Variants in PTPRN2 observed in about 807,000 individuals in gnomAD.
PTPRN2 encodes the protein receptor-type tyrosine-protein phosphatase N2.
A neutral mutation model predicts 118.8 loss-of-function variants in PTPRN2; 74 were observed. The ratio of observed to expected loss-of-function variants is 0.62; its 90% CI spans 0.52 to 0.76. The LOEUF (loss-of-function observed/expected upper bound fraction) is 0.76, where lower values mean the gene tolerates loss of function less well. PTPRN2 is among the 30% of genes least tolerant of loss of function. The probability of loss-of-function intolerance (pLI) is 0.00; values close to 1 mark genes in which losing one functional copy is unlikely to be tolerated. For missense variants in PTPRN2, 1,481 were observed against 1,394.4 expected (o/e 1.06, Z -0.99); for synonymous variants, 641 against 608.0 (o/e 1.05, Z -0.80).
chr7:158,148,696 C>T (rs13309737), intron 6 of PTPRN2, among the ~76,000 whole-genome samples: 8 of 50,774 alleles, frequency 1.6e-4, no homozygotes, highest in Non-Finnish European at 2.3e-4. Context: ...ATGCCTTTCC[C>T]CCTCAATGAC....
chr7:158,150,006 A>G (rs1465895458), intron 6 of PTPRN2, among the ~76,000 whole-genome samples: 1 of 152,258 alleles, frequency 6.6e-6, no homozygotes, highest in Non-Finnish European at 1.5e-5. Flanking sequence ...CTCATTACAG[A>G]CACATCAGAT....
intron 5 of PTPRN2, among the ~76,000 whole-genome samples, chr7:158,190,051 G>A (rs578128608): frequency 6.6e-6 from 1 of 152,336 alleles, no homozygotes; most frequent in Non-Finnish European, 1.5e-5. Flanking sequence ...CACTGAGCCT[G>A]GTTCAGACTC....
chr7:158,094,095 G>C (rs1814427506), intron 10 of PTPRN2, among the ~76,000 whole-genome samples: 1 of 152,176 alleles, frequency 6.6e-6, no homozygotes, highest in Non-Finnish European at 1.5e-5. Flanking sequence ...AGATTGTTCA[G>C]TATGTATGCT....
chr7:158,492,866 C>T (rs1235201034), intron 1 of PTPRN2, among the ~76,000 whole-genome samples: 3 of 152,254 alleles, frequency 2.0e-5, no homozygotes, highest in Admixed American at 2.0e-4. Flanking sequence ...GTGGGCTCCA[C>T]ACCCGCCATG....
rs551032294 is a variant in PTPRN2, at chr7:158,146,507, G to C, written c.911-7992C>G. On this transcript the variant is annotated intron_variant, in intron 6 of 22. Coordinates refer to ENST00000389418, the MANE Select transcript of PTPRN2 (RefSeq NM_002847.5). Reference sequence around the variant, plus strand: ...GACGCTGAGGCATGCGGATCACGAGGTCAGGAGATCAAGACCATCCTGACT... The same window carrying C: ...GACGCTGAGGCATGCGGATCACGAGCTCAGGAGATCAAGACCATCCTGACT... Among the ~76,000 whole-genome samples the C allele has an allele frequency of 3.9e-5, 6 of 152,104 alleles. No individual in the cohort carries two copies. In the South Asian group the frequency reaches 1.0e-3, roughly 26 times the overall value.
rs928373644 is a variant in PTPRN2 at position 157,837,145 on chromosome 7, A to C, written c.1788+61528T>G. The stretch of plus-strand genomic sequence containing the variant: ...TGTCCACCTGCCCACCCATCCACAC[A>C]TCCGCCCTTCCGTGTGTCCCTCCAT... On this transcript the variant is annotated intron_variant, in intron 12 of 22. Coordinates refer to ENST00000389418, the MANE Select transcript of PTPRN2 (RefSeq NM_002847.5). Among the ~76,000 whole-genome samples the C allele has an allele frequency of 1.2e-4, 5 of 40,814 alleles. No homozygotes were observed. The South Asian group carries it at 4.3e-3, about 35-fold the overall frequency. The allele number at this position is 40,814 out of a possible 152,430, so 26.8% of individuals were successfully genotyped here.
At chr7:158,239,120 C>A (rs1032129129) in intron 3 of PTPRN2, among the ~76,000 whole-genome samples, 3 of 152,314 alleles carry the variant, frequency 2.0e-5, no homozygotes, top group Admixed American at 1.3e-4. Flanking sequence ...GGGCCACCAC[C>A]ATGCCCTGAG....
At chr7:158,356,686 G>T (rs1357911313) in intron 2 of PTPRN2, among the ~76,000 whole-genome samples, 9 of 151,762 alleles carry the variant, frequency 5.9e-5, no homozygotes, top group Non-Finnish European at 1.2e-4. Flanking sequence ...AAAATACAAA[G>T]ATCAGCCAGA....
chr7:158,367,820 C>G (rs1396556571), intron 2 of PTPRN2, among the ~76,000 whole-genome samples: 5 of 152,186 alleles, frequency 3.3e-5, no homozygotes, highest in African/African-American at 9.7e-5. Flanking sequence ...GCAACTCTCT[C>G]CATAATGAGT....
chr7:158,397,038 G>A (rs757705700), intron 2 of PTPRN2, among the ~76,000 whole-genome samples: 1 of 152,196 alleles, frequency 6.6e-6, no homozygotes, highest in African/African-American at 2.4e-5. Flanking sequence ...CCCAGGCCCC[G>A]CTGAAGTGCT....
At chr7:157,606,221 G>A (rs748023112) in intron 15 of PTPRN2, among the ~76,000 whole-genome samples, 2 of 152,216 alleles carry the variant, frequency 1.3e-5, no homozygotes, top group Non-Finnish European at 2.9e-5. Flanking sequence ...CCAACAGCAG[G>A]GAGAATCCAG....
At chr7:158,086,166 G>C (rs554553135) in intron 10 of PTPRN2, among the ~76,000 whole-genome samples, 8 of 152,254 alleles carry the variant, frequency 5.3e-5, no homozygotes, top group Non-Finnish European at 1.2e-4. Flanking sequence ...GAAATTCCAG[G>C]GGCCAATTTT....
intron 11 of PTPRN2, among the ~76,000 whole-genome samples, chr7:158,075,630 C>T (rs1812292248): frequency 6.6e-6 from 1 of 152,214 alleles, no homozygotes; most frequent in Non-Finnish European, 1.5e-5. Flanking sequence ...CTCTTAGAGG[C>T]TCCTCTTTTT....
chr7:158,407,331 T>C (rs1215274897), intron 2 of PTPRN2, among the ~76,000 whole-genome samples: 4 of 93,126 alleles, frequency 4.3e-5, no homozygotes, highest in African/African-American at 3.4e-5. Flanking sequence ...TCCTGCGTCC[T>C]GGGTCCTGCG....
chr7:158,035,443 G>C (rs924691870), intron 11 of PTPRN2, among the ~76,000 whole-genome samples: 6 of 152,248 alleles, frequency 3.9e-5, no homozygotes, highest in Non-Finnish European at 7.3e-5. Flanking sequence ...CAAAGAGCAG[G>C]CAAGGGAGGC....
At chr7:158,017,513 G>A (rs1806541008) in intron 11 of PTPRN2, among the ~76,000 whole-genome samples, 1 of 152,220 alleles carries the variant, frequency 6.6e-6, no homozygotes, top group African/African-American at 2.4e-5. Flanking sequence ...GAAATGGGGT[G>A]TGGCTACTTT....
intron 12 of PTPRN2, among the ~76,000 whole-genome samples, chr7:157,788,191 T>C (rs1296509402): frequency 3.3e-5 from 5 of 151,974 alleles, no homozygotes; most frequent in South Asian, 2.1e-4. Flanking sequence ...CCGGCTAACA[T>C]GGTGAAACTC....
chr7:158,180,582 T>G (rs773595965), intron 5 of PTPRN2, among the ~76,000 whole-genome samples: 5 of 152,242 alleles, frequency 3.3e-5, no homozygotes, highest in Non-Finnish European at 7.3e-5. Context: ...GCATGGGATG[T>G]GTTTCCATTT....
rs1279468863 is a variant in PTPRN2 at position 158,188,448 on chromosome 7, C to T, written c.549+3879G>A. Among the ~76,000 whole-genome samples the T allele has an allele frequency of 4.5e-4, 2 of 4,450 alleles. 1 individual carries two copies. The highest frequency in any genetic ancestry group is 6.4e-4 in the Non-Finnish European group (2 of 3,104). 2.9% of individuals were successfully genotyped at this position (4,450 alleles called of 152,430 possible). A position where few individuals can be genotyped will look rare whatever the true frequency, so the allele number is the denominator to read the frequency against. ...TGGGGAAGGCCGCCACGCTCGCCCCCGATGGGGAAGGCCGCCACGCTCGCC... is the reference window on the plus strand; with the variant it reads ...TGGGGAAGGCCGCCACGCTCGCCCCTGATGGGGAAGGCCGCCACGCTCGCC... On this transcript the variant is annotated intron_variant, in intron 5 of 22. Transcript: ENST00000389418.
Sources: allele counts gnomAD v4.1 joint callset (sites outside exome capture counted in the v4.1 genomes callset), GRCh38; gene constraint gnomAD v4.1.1; transcripts MANE v1.5; gene names NCBI Gene and HGNC (gene_info 2026-07-23, HGNC 2026-07-21).